MCF2L: variants seen among roughly 807,000 people sequenced by gnomAD.
The protein encoded by MCF2L is MCF.2 cell line derived transforming sequence like.
Under a neutral mutation model 153.4 loss-of-function variants are expected in MCF2L, and 97 were observed. That is an observed-to-expected ratio of 0.63 (90% CI 0.54 to 0.75). The LOEUF (loss-of-function observed/expected upper bound fraction) is 0.75, where lower values mean the gene tolerates loss of function less well. Among genes scored for constraint, MCF2L ranks in the 30% least tolerant of loss-of-function variants. The pLI is 0.00. For missense variants in MCF2L, 1,347 were observed against 1,495.2 expected, an observed-to-expected ratio of 0.90 and a Z score of 1.64; for synonymous variants, 659 against 632.2, an observed-to-expected ratio of 1.04 and a Z score of -0.64.
In MCF2L at chr13:113,082,593, A is replaced by G. The variant is rs772507707; in HGVS notation, c.1991+51A>G. ...ACGCACCCGTGATCTCTTGCAGCTA[A>G]TGGTGCTGGCTTCAGGGGGCTGGAA... On this transcript the variant is annotated intron_variant, in intron 17 of 29. Coordinates refer to ENST00000535094, the MANE Select transcript of MCF2L (RefSeq NM_001112732.3). The G allele has an allele frequency of 3.8e-6, 5 of 1,311,098 alleles. No individual in the cohort carries two copies. In the African/African-American group the frequency reaches 7.3e-5, roughly 19 times the overall value. The allele number at this position is 1,311,098 out of a possible 1,614,324, so 81.2% of individuals were successfully genotyped here. A position where few individuals can be genotyped will look rare whatever the true frequency, so the allele number is the denominator to read the frequency against.
At position 112,902,211 on chromosome 13, in the gene MCF2L, CTG is replaced by C. The variant is rs2081126052; in HGVS notation, c.11_12del (p.Cys4LeufsTer22). The C allele has an allele frequency of 5.0e-6, 8 of 1,612,358 alleles. No individual in the cohort carries two copies. Among genetic ancestry groups the C allele is most frequent in the Non-Finnish European group, 6.8e-6 (8 of 1,179,560 alleles). On this transcript the variant is annotated frameshift_variant, in exon 2 of 30. Transcript: ENST00000375608. LOFTEE classifies it high-confidence loss of function. ...CTTTTTTCTGCAGCCTCATGTTTGA[CTG>C]TTGGAGATTTATCCTGTGCAAGAGA...
chr13:112,950,738 GAACTACAAATTTA>G lies in MCF2L; in HGVS notation c.169+48371_169+48383del, dbSNP rs143240055. Among the ~76,000 whole-genome samples, 697 of 152,226 alleles carry G rather than the reference GAACTACAAATTTA, an allele frequency of 4.6e-3. 3 individuals are homozygous for G. Among genetic ancestry groups the G allele is most frequent in the African/African-American group, 0.016 (673 of 41,520 alleles). ...TATTAGAATGATAAGTTCTAACAAT[GAACTACAAATTTA>G]AACATGAAATATAAAACTATAAAAG... On this transcript the variant is annotated intron_variant, in intron 2 of 29. Transcript: ENST00000375608.
chr13:113,062,764 C>T (rs1438485437), intron 5 of MCF2L, among the ~76,000 whole-genome samples: 1 of 152,226 alleles, frequency 6.6e-6, no homozygotes, highest in Non-Finnish European at 1.5e-5. Flanking sequence ...ACCTCTGCTG[C>T]CGTGACTGAC....
rs373526357 is a variant in MCF2L at position 113,087,775 on chromosome 13, G to A, written c.2664G>A (p.Ala888=). 2.9e-5 allele frequency: 47 copies of A among 1,613,986 alleles called. No individual in the cohort carries two copies. The highest frequency in any genetic ancestry group is 3.6e-5 in the Non-Finnish European group (42 of 1,180,024). ...DAKKFEIWYN[A]REEVYIVQAP... is the part of the protein sequence containing the mutation. ...AGAAGTTCGAGATCTGGTACAACGC[G>A]CGCGAGGAGGTCTACATCGTCCAGG... Residue 888 remains alanine, a synonymous_variant, in exon 23 of 30, where the codon GCG becomes GCA. Coordinates refer to ENST00000535094, the MANE Select transcript of MCF2L (RefSeq NM_001112732.3).
At chr13:113,081,554 A>C (rs2034138350) in intron 16 of MCF2L, among the ~76,000 whole-genome samples, 1 of 152,240 alleles carries the variant, frequency 6.6e-6, no homozygotes. Context: ...CCACACACAC[A>C]TCGTCACCAA....
In MCF2L at chr13:113,088,602, G is replaced by T; in HGVS notation, c.2808G>T (p.Leu936=). 1.2e-6 allele frequency: 2 copies of T among 1,608,318 alleles called. No homozygotes were observed. The highest frequency in any genetic ancestry group is 1.1e-5 in the South Asian group (1 of 90,962). ...GGGCGCTGGAGCAGTCACAGAGCCT[G>T]CCCCTGCCGGCCCCGACCAGCACCA... The part of the protein sequence containing the change: ...QHRALEQSQS[L]PLPAPTSTSP... The change falls in exon 25 of 30, where the codon CTG becomes CTT. Residue 936 remains leucine (L), a synonymous_variant. Transcript: ENST00000535094.
chr13:112,922,148 A>C (rs1381595819), intron 2 of MCF2L, among the ~76,000 whole-genome samples: 1 of 152,220 alleles, frequency 6.6e-6, no homozygotes, highest in Admixed American at 6.5e-5. Context: ...ATAGTAGTCG[A>C]CTTTGTACAA....
chr13:112,980,239 A>G (rs1199226936), intron 1 of MCF2L, among the ~76,000 whole-genome samples: 1 of 152,268 alleles, frequency 6.6e-6, no homozygotes, highest in African/African-American at 2.4e-5. Context: ...CTGATGGAAC[A>G]GCCTAAACTC....
chr13:112,970,100 G>A (rs1306560322), intron 1 of MCF2L, among the ~76,000 whole-genome samples: 1 of 152,158 alleles, frequency 6.6e-6, no homozygotes, highest in African/African-American at 2.4e-5. Flanking sequence ...TGGCTTTCAG[G>A]CGGTCGCATC....
chr13:113,077,291 G>C, intron 13 of MCF2L, 80 bp downstream of exon 13: 2 of 1,411,830 alleles, frequency 1.4e-6, no homozygotes, highest in Non-Finnish European at 1.9e-6. Context: ...GTACATCTGA[G>C]GCAGCCACCT....
rs944420933 is a variant in MCF2L, at chr13:113,097,851, C to G, written c.*992C>G. ...CCTCCTCGGAGGCCGCACCTCCACTCCACTCCCCACGCGCCCCCTGCCTCC... is the reference window on the plus strand; with the variant it reads ...CCTCCTCGGAGGCCGCACCTCCACTGCACTCCCCACGCGCCCCCTGCCTCC... On this transcript the variant is annotated 3_prime_UTR_variant, in exon 30 of 30. Coordinates refer to ENST00000535094, the MANE Select transcript of MCF2L (RefSeq NM_001112732.3). 6.6e-6 allele frequency: 1 copy of G among 152,160 alleles called. No homozygotes were observed. The highest frequency in any genetic ancestry group is 1.5e-5 in the Non-Finnish European group (1 of 68,046). The allele number at this position is 152,160 out of a possible 1,614,324, so 9.4% of individuals were successfully genotyped here.
chr13:112,927,667 T>G (rs1424321375), intron 2 of MCF2L, among the ~76,000 whole-genome samples: 3 of 152,156 alleles, frequency 2.0e-5, no homozygotes, highest in Admixed American at 2.0e-4. Context: ...TGAACTGCTC[T>G]TGCCAAAAAA....
intron 20 of MCF2L, 31 bp from the exon 21 acceptor site, chr13:113,086,093 C>T (rs765758785): frequency 8.2e-6 from 13 of 1,587,512 alleles, no homozygotes; most frequent in East Asian, 6.9e-5. Flanking sequence ...CTCCGTGTCC[C>T]GACGCGGTTG....
At chr13:112,896,230 G>C (rs1247626591) in intron 1 of MCF2L, among the ~76,000 whole-genome samples, 1 of 152,198 alleles carries the variant, frequency 6.6e-6, no homozygotes, top group Non-Finnish European at 1.5e-5. Flanking sequence ...TCTGTGTGCA[G>C]CTTCACATCT....
At chr13:112,910,847 G>A (rs2081223497) in intron 2 of MCF2L, among the ~76,000 whole-genome samples, 1 of 152,218 alleles carries the variant, frequency 6.6e-6, no homozygotes, top group Non-Finnish European at 1.5e-5. Context: ...GGTGACCTGG[G>A]GGGTGTTAAT....
At position 112,960,001 on chromosome 13, in the gene MCF2L, C is replaced by T. The variant is rs763805850; in HGVS notation, c.170-54762C>T. On this transcript the variant is annotated intron_variant, in intron 2 of 29. Coordinates refer to the MCF2L transcript ENST00000375608. The surrounding 1 kb of genome is among the most constrained non-coding windows in gnomAD (Gnocchi z 4.2). ...GGAGAGCCCTCTCTCTGTTCTCACG[C>T]GTCGGGCTGCGGCAGAGGTGCCTGT... Among the ~76,000 whole-genome samples, 19 of 152,230 alleles carry T rather than the reference C, an allele frequency of 1.2e-4. No individual in the cohort carries two copies. Among genetic ancestry groups the T allele is most frequent in the South Asian group, 2.1e-4 (1 of 4,832 alleles).
chr13:112,949,555 G>A (rs2081670087), intron 2 of MCF2L, among the ~76,000 whole-genome samples: 1 of 152,078 alleles, frequency 6.6e-6, no homozygotes, highest in Non-Finnish European at 1.5e-5. Flanking sequence ...TTATACCAAG[G>A]ATGCAAAGCT....
chr13:113,050,146 A>ATGTGTGAG (rs970549192), intron 4 of MCF2L, among the ~76,000 whole-genome samples: 1 of 151,766 alleles, frequency 6.6e-6, no homozygotes, highest in African/African-American at 2.4e-5. Context: ...ACTGTACTGC[A>ATGTGTGAG]TGTGTGAGTG....
intron 4 of MCF2L, among the ~76,000 whole-genome samples, chr13:113,058,753 GTGTT>G (rs139653917): frequency 0.4 from 53,032 of 133,082 alleles, 11,514 homozygotes; most frequent in African/African-American, 0.46. Flanking sequence ...TGGGCGCTGT[GTGTT>G]TGGGGGCTGA....
Sources: gnomAD v4.1 joint callset for allele counts (sites outside exome capture counted in the v4.1 genomes callset) on GRCh38, gnomAD v4.1.1 for gene constraint, Gnocchi (gnomAD v3.1) non-coding constraint, MANE v1.5 for transcripts, NCBI Gene and HGNC (gene_info 2026-07-23, HGNC 2026-07-21) for gene names.